ANKS1B: variants seen among roughly 807,000 people sequenced by gnomAD.
The protein encoded by ANKS1B is ankyrin repeat and sterile alpha motif domain-containing protein 1B.
A neutral mutation model predicts 148.3 loss-of-function variants in ANKS1B; 36 were observed. That is an observed-to-expected ratio of 0.24 (90% CI 0.19 to 0.32). The LOEUF (loss-of-function observed/expected upper bound fraction) is 0.32, where lower values mean the gene tolerates loss of function less well. Ranked by LOEUF, ANKS1B falls within the 10% of genes least tolerant of loss-of-function variation. ANKS1B has a pLI of 1.00. For synonymous variants in ANKS1B, 542 were observed against 560.8 expected, an observed-to-expected ratio of 0.97 and a Z score of 0.47; for missense variants, 1,157 against 1,542.6, an observed-to-expected ratio of 0.75 and a Z score of 4.19.
chr12:99,402,508 C>G (rs1266060891), intron 11 of ANKS1B, among the ~76,000 whole-genome samples: 1 of 145,182 alleles, frequency 6.9e-6, no homozygotes, highest in Non-Finnish European at 1.5e-5. Flanking sequence ...GTGTGTTGTT[C>G]CCCTCTATGT....
chr12:99,259,776 C>T (rs2075724009), intron 12 of ANKS1B, among the ~76,000 whole-genome samples: 1 of 146,644 alleles, frequency 6.8e-6, no homozygotes, highest in African/African-American at 2.4e-5. Context: ...TCCCACACGT[C>T]TTTCCTCTGT....
chr12:98,895,189 G>C (rs1329919617), intron 17 of ANKS1B: 5 of 985,026 alleles, frequency 5.1e-6, no homozygotes, highest in African/African-American at 1.7e-5. Context: ...GCGCGCGGGG[G>C]CTGCAGGGCG....
intron 9 of ANKS1B, among the ~76,000 whole-genome samples, chr12:99,632,748 TATATATATATATATA>T (rs1567522504): frequency 4.5e-5 from 5 of 110,274 alleles, no homozygotes; most frequent in East Asian, 3.1e-4. Context: ...TATATATATA[TATATATATATATATA>T]TATATTTTAA....
chr12:99,218,012 C>T (rs537176744), intron 14 of ANKS1B, among the ~76,000 whole-genome samples: 4 of 152,078 alleles, frequency 2.6e-5, no homozygotes, highest in South Asian at 2.1e-4. Flanking sequence ...GATTAGGGCT[C>T]ATGAAAAAGA....
At chr12:99,120,751 G>T (rs1394826815) in intron 15 of ANKS1B, among the ~76,000 whole-genome samples, 1 of 152,186 alleles carries the variant, frequency 6.6e-6, no homozygotes, top group Non-Finnish European at 1.5e-5. Flanking sequence ...TGCAGGAGAA[G>T]CAGCAGATTT....
At chr12:99,817,891 T>A (rs187235202) in intron 2 of ANKS1B, among the ~76,000 whole-genome samples, 17 of 151,948 alleles carry the variant, frequency 1.1e-4, no homozygotes, top group Admixed American at 9.9e-4. Context: ...GTTCCTTATA[T>A]GTTCTGGCTA....
At chr12:98,878,472 C>CATCTGGTG (rs2099697659) in intron 17 of ANKS1B, among the ~76,000 whole-genome samples, 1 of 152,274 alleles carries the variant, frequency 6.6e-6, no homozygotes, top group South Asian at 2.1e-4. Context: ...TATTACTGCC[C>CATCTGGTG]ATCTGGTGAT....
At chr12:99,140,695 C>A (rs1419776053) in intron 15 of ANKS1B, among the ~76,000 whole-genome samples, 1 of 152,116 alleles carries the variant, frequency 6.6e-6, no homozygotes, top group Admixed American at 6.6e-5. Flanking sequence ...GGTAAAGAAC[C>A]ATGGAAGCAA....
chr12:99,597,064 T>C (rs980611155), intron 9 of ANKS1B, among the ~76,000 whole-genome samples: 3 of 151,942 alleles, frequency 2.0e-5, no homozygotes, highest in African/African-American at 7.2e-5. Flanking sequence ...TGCATAAAAT[T>C]CTAGTTTCTC....
At chr12:99,472,798 G>A (rs1393025522) in intron 10 of ANKS1B, among the ~76,000 whole-genome samples, 1 of 151,998 alleles carries the variant, frequency 6.6e-6, no homozygotes, top group African/African-American at 2.4e-5. Context: ...GAGTTAAACT[G>A]CGCTTAAAAT....
At chr12:99,269,504 ATTTT>A (rs35128190) in intron 12 of ANKS1B, among the ~76,000 whole-genome samples, 1 of 148,026 alleles carries the variant, frequency 6.8e-6, no homozygotes. Flanking sequence ...AAATAAGCAG[ATTTT>A]TTTTTTTTTT....
At chr12:99,291,998 A>C (rs377229692) in intron 12 of ANKS1B, among the ~76,000 whole-genome samples, 13 of 152,322 alleles carry the variant, frequency 8.5e-5, no homozygotes, top group Middle Eastern at 3.4e-3. Context: ...CCTTATACAA[A>C]AATTAATTCA....
chr12:98,810,048 C>G (rs1198413391), intron 19 of ANKS1B, among the ~76,000 whole-genome samples: 1 of 152,202 alleles, frequency 6.6e-6, no homozygotes, highest in Non-Finnish European at 1.5e-5. Context: ...TTCTTTTTCT[C>G]TAGCAGCTAA....
intron 12 of ANKS1B, among the ~76,000 whole-genome samples, chr12:99,372,115 T>C (rs1184591605): frequency 6.6e-6 from 1 of 152,122 alleles, no homozygotes; most frequent in Non-Finnish European, 1.5e-5. Flanking sequence ...TGAACTCTAC[T>C]GTAACTATGG....
intron 1 of ANKS1B, among the ~76,000 whole-genome samples, chr12:99,935,654 T>C (rs542416929): frequency 1.3e-5 from 2 of 152,308 alleles, no homozygotes; most frequent in Non-Finnish European, 2.9e-5. Context: ...CCCTGCCTAG[T>C]AGTCCCTCAA....
At chr12:99,607,597 A>T (rs1003493607) in intron 9 of ANKS1B, among the ~76,000 whole-genome samples, 2 of 152,126 alleles carry the variant, frequency 1.3e-5, no homozygotes, top group South Asian at 4.2e-4. Flanking sequence ...GCCACATGCC[A>T]GGTCCAATAA....
intron 12 of ANKS1B, among the ~76,000 whole-genome samples, chr12:99,302,510 G>A (rs752856501): frequency 3.3e-5 from 5 of 152,180 alleles, no homozygotes; most frequent in Non-Finnish European, 7.4e-5. Context: ...GTCATCCAAG[G>A]TCAATAGAGA....
At chr12:98,752,059 G>A (rs2098107899) in intron 25 of ANKS1B, among the ~76,000 whole-genome samples, 1 of 152,126 alleles carries the variant, frequency 6.6e-6, no homozygotes, top group Admixed American at 6.6e-5. Flanking sequence ...TAATTCAACT[G>A]TTTGTCTCTT....
chr12:99,883,614 G>T (rs1026538026), intron 1 of ANKS1B, among the ~76,000 whole-genome samples: 5 of 105,674 alleles, frequency 4.7e-5, no homozygotes, highest in Non-Finnish European at 7.2e-5. Context: ...ATAGACTTGG[G>T]GCAGGGGGGA....
Sources: allele counts gnomAD v4.1 joint callset (sites outside exome capture counted in the v4.1 genomes callset), GRCh38; gene constraint gnomAD v4.1.1; transcripts MANE v1.5; gene names NCBI Gene and HGNC (gene_info 2026-07-23, HGNC 2026-07-21).